AMOTL1: variants seen among roughly 807,000 people sequenced by gnomAD.
AMOTL1 encodes angiomotin like 1.
Under a neutral mutation model 102.9 loss-of-function variants are expected in AMOTL1, and 45 were observed. The observed-to-expected ratio is 0.44, with a 90% CI of 0.34 to 0.56. The LOEUF (loss-of-function observed/expected upper bound fraction) is 0.56, where lower values mean the gene tolerates loss of function less well. Ranked by LOEUF, AMOTL1 falls within the 20% of genes least tolerant of loss-of-function variation. The probability of loss-of-function intolerance (pLI) is 0.01; values close to 1 mark genes in which losing one functional copy is unlikely to be tolerated. For missense variants in AMOTL1, 1,114 were observed against 1,225.6 expected, an observed-to-expected ratio of 0.91 and a Z score of 1.36; for synonymous variants, 481 against 484.7, an observed-to-expected ratio of 0.99 and a Z score of 0.10.
chr11:94,714,681 T>A (rs1383315614), intron 1 of AMOTL1, among the ~76,000 whole-genome samples: 1 of 152,158 alleles, frequency 6.6e-6, no homozygotes, highest in African/African-American at 2.4e-5. Context: ...ATATATTTCA[T>A]ATTATTCTTT....
At chr11:94,712,425 G>A (rs1950034524) in intron 1 of AMOTL1, among the ~76,000 whole-genome samples, 1 of 151,930 alleles carries the variant, frequency 6.6e-6, no homozygotes, top group African/African-American at 2.4e-5. Flanking sequence ...ATCAGTCTTG[G>A]TAAAGAATTT....
At chr11:94,738,630 G>A (rs963968959) in intron 2 of AMOTL1, among the ~76,000 whole-genome samples, 6 of 152,186 alleles carry the variant, frequency 3.9e-5, no homozygotes, top group African/African-American at 1.4e-4. Context: ...TTTTACTAGG[G>A]TTGTGTTTTC....
At chr11:94,841,141 T>C (rs1401749649) in intron 6 of AMOTL1, among the ~76,000 whole-genome samples, 1 of 152,086 alleles carries the variant, frequency 6.6e-6, no homozygotes, top group Non-Finnish European at 1.5e-5. Flanking sequence ...TTTTTTATGT[T>C]AAGAAAAGAG....
In AMOTL1 at chr11:94,768,535, G is replaced by C. The variant is rs781090707; in HGVS notation, c.24G>C (p.Arg8=). 6.2e-7 allele frequency: 1 copy of C among 1,601,810 alleles called. No individual in the cohort carries two copies. The highest frequency in any genetic ancestry group is 8.5e-7 in the Non-Finnish European group (1 of 1,174,684). ...TCATGTGGAGGGCAAAGTTGCGCCG[G>C]GGAACTTGTGAGCCTGCGGTGAAAG... MWRAKLR[R]GTCEPAVKGS... The change falls in exon 1 of 13, where the codon CGG becomes CGC. Residue 8 remains arginine, a synonymous_variant. Coordinates refer to ENST00000433060, the MANE Select transcript of AMOTL1 (RefSeq NM_130847.3).
At chr11:94,851,090 C>T (rs1276050172) in intron 7 of AMOTL1, among the ~76,000 whole-genome samples, 1 of 152,186 alleles carries the variant, frequency 6.6e-6, no homozygotes, top group Non-Finnish European at 1.5e-5. Flanking sequence ...ATAAGTCTTG[C>T]ATAGAAACTA....
intron 6 of AMOTL1, among the ~76,000 whole-genome samples, chr11:94,845,142 C>T (rs1339988176): frequency 6.6e-6 from 1 of 152,174 alleles, no homozygotes; most frequent in East Asian, 1.9e-4. Context: ...AGAACAGGGT[C>T]GTCTGTCCCA....
intron 1 of AMOTL1, among the ~76,000 whole-genome samples, chr11:94,784,830 C>T (rs1170644128): frequency 6.6e-6 from 1 of 152,110 alleles, no homozygotes; most frequent in South Asian, 2.1e-4. Flanking sequence ...CTGGTCTATA[C>T]TTGTGGTGAA....
chr11:94,802,787 A>G (rs1951500910), intron 3 of AMOTL1, among the ~76,000 whole-genome samples: 2 of 152,304 alleles, frequency 1.3e-5, no homozygotes, highest in African/African-American at 4.8e-5. Flanking sequence ...ACAATATTGC[A>G]TCCACACCAG....
At chr11:94,811,051 G>A (rs531779865) in intron 3 of AMOTL1, among the ~76,000 whole-genome samples, 3 of 152,218 alleles carry the variant, frequency 2.0e-5, no homozygotes, top group African/African-American at 4.8e-5. Flanking sequence ...CCAGGCTATC[G>A]TGGTGACAAA....
At chr11:94,840,653 C>T (rs920849482) in intron 6 of AMOTL1, among the ~76,000 whole-genome samples, 1 of 87,312 alleles carries the variant, frequency 1.1e-5, no homozygotes, top group Non-Finnish European at 2.0e-5. Flanking sequence ...ACTTAAAAAA[C>T]GTATATATAT....
At chr11:94,726,739 C>G (rs142555035) in intron 1 of AMOTL1, among the ~76,000 whole-genome samples, 92 of 152,172 alleles carry the variant, frequency 6.0e-4, no homozygotes, top group African/African-American at 2.1e-3. Flanking sequence ...TTTTATATGG[C>G]CTGAGGCCTG....
chr11:94,847,313 A>G (rs977734792), intron 6 of AMOTL1, among the ~76,000 whole-genome samples: 1 of 152,184 alleles, frequency 6.6e-6, no homozygotes, highest in African/African-American at 2.4e-5. Context: ...GGACAGCTGC[A>G]TAACAAAGGC....
At chr11:94,723,632 G>A (rs1224620423) in intron 1 of AMOTL1, among the ~76,000 whole-genome samples, 1 of 152,054 alleles carries the variant, frequency 6.6e-6, no homozygotes, top group Non-Finnish European at 1.5e-5. Flanking sequence ...ATTCTACAAA[G>A]CCAGTAAGAA....
chr11:94,782,208 A>G (rs1211136728), intron 1 of AMOTL1, among the ~76,000 whole-genome samples: 1 of 152,218 alleles, frequency 6.6e-6, no homozygotes, highest in African/African-American at 2.4e-5. Flanking sequence ...TGGCTTGGGC[A>G]TTTGGTAGAT....
intron 1 of AMOTL1, among the ~76,000 whole-genome samples, chr11:94,721,234 C>G (rs1173048002): frequency 1.3e-5 from 2 of 152,050 alleles, no homozygotes; most frequent in African/African-American, 2.4e-5. Flanking sequence ...TGAAAATAGA[C>G]ACCGATTTCA....
Position 94,821,695 on chromosome 11 carries a change from G to C in AMOTL1, c.1287G>C (p.Gln429His). ...CGCCTGCCGCCTCCCCCAGCCAGCA[G>C]CTTGGTCCAGATGCCTTTGCGATTG... ...QPPPAASPSQ[Q>H]LGPDAFAIVE... The change falls in exon 4 of 13, where the codon CAG becomes CAC. Residue 429 changes from glutamine (Q) to histidine (H), a missense_variant. Coordinates refer to ENST00000433060, the MANE Select transcript of AMOTL1 (RefSeq NM_130847.3). The C allele has an allele frequency of 6.2e-7, 1 of 1,614,036 alleles. No homozygotes were observed. Among genetic ancestry groups the C allele is most frequent in the Non-Finnish European group, 8.5e-7 (1 of 1,179,906 alleles).
chr11:94,771,859 G>T lies in AMOTL1; in HGVS notation c.49+3299G>T, dbSNP rs140430087. ...GAGAGAGTAGGAGAGTAGCTCTAAG[G>T]TGTTGGAAATGTATCCCTGTTAAGA... On this transcript the variant is annotated intron_variant, in intron 1 of 12. Coordinates refer to ENST00000433060, the MANE Select transcript of AMOTL1 (RefSeq NM_130847.3). Among the ~76,000 whole-genome samples, 462 of 152,264 alleles carry T rather than the reference G, an allele frequency of 3.0e-3. 2 individuals are homozygous for T. The highest frequency in any genetic ancestry group is 0.011 in the African/African-American group (440 of 41,556).
chr11:94,862,372 A>G (rs905883923), intron 9 of AMOTL1, among the ~76,000 whole-genome samples: 1 of 152,216 alleles, frequency 6.6e-6, no homozygotes, highest in African/African-American at 2.4e-5. Context: ...CTAGGTGCTA[A>G]ATGGCCACAG....
chr11:94,846,762 A>G (rs1442766041), intron 6 of AMOTL1, among the ~76,000 whole-genome samples: 2 of 152,092 alleles, frequency 1.3e-5, no homozygotes, highest in Admixed American at 6.6e-5. Context: ...TGCAACTTCT[A>G]TTTCTGCCAT....
Sources: allele counts gnomAD v4.1 joint callset (sites outside exome capture counted in the v4.1 genomes callset), GRCh38; gene constraint gnomAD v4.1.1; transcripts MANE v1.5; gene names NCBI Gene and HGNC (gene_info 2026-07-23, HGNC 2026-07-21).